AP2A2: variants seen among roughly 807,000 people sequenced by gnomAD.
AP2A2 encodes the protein adaptor related protein complex 2 subunit alpha 2, also known as AP-2 complex subunit alpha-2.
A neutral mutation model predicts 104.2 loss-of-function variants in AP2A2; 32 were observed. The ratio of observed to expected loss-of-function variants is 0.31; its 90% confidence interval spans 0.23 to 0.41. AP2A2 has a LOEUF of 0.41. Ranked by LOEUF, AP2A2 falls within the 10% of genes least tolerant of loss-of-function variation. The pLI, the probability that AP2A2 is intolerant of heterozygous loss-of-function variation, is 1.00. For synonymous variants in AP2A2, 539 were observed against 533.3 expected (o/e 1.01, Z -0.15); for missense variants, 912 against 1,261.0 (o/e 0.72, Z 4.19).
Position 970,305 on chromosome 11 carries a change from G to A in AP2A2, c.273G>A (p.Lys91=). 6.2e-7 allele frequency: 1 copy of A among 1,613,588 alleles called. No individual in the cohort carries two copies. Among genetic ancestry groups the A allele is most frequent in the Non-Finnish European group, 8.5e-7 (1 of 1,179,636 alleles). ...TGAGTTCAAACAGATACACGGAAAA[G>A]CAGATCGTGAGTATCGCTGCAGGTG... ...NLLSSNRYTE[K]QIGYLFISVL... Residue 91 remains lysine (K), a synonymous_variant, in exon 3 of 22, where the codon AAG becomes AAA. Coordinates refer to ENST00000448903, the MANE Select transcript of AP2A2 (RefSeq NM_012305.4).
chr11:978,871 G>A (rs1343280618), intron 5 of AP2A2, among the ~76,000 whole-genome samples: 2 of 152,180 alleles, frequency 1.3e-5, no homozygotes, highest in South Asian at 2.1e-4. Flanking sequence ...GAAGGTCGGC[G>A]GTCAGGCCTG....
At chr11:1,005,910 TC>T (rs1362807126) in intron 16 of AP2A2, among the ~76,000 whole-genome samples, 1 of 152,228 alleles carries the variant, frequency 6.6e-6, no homozygotes, top group African/African-American at 2.4e-5. Flanking sequence ...CTTTCTGAAT[TC>T]AAGGGGTATA....
At chr11:998,190 T>A (rs1855916450) in intron 14 of AP2A2, among the ~76,000 whole-genome samples, 1 of 152,178 alleles carries the variant, frequency 6.6e-6, no homozygotes, top group South Asian at 2.1e-4. Flanking sequence ...CTCTGCCAGC[T>A]CCTCTGTGAC....
chr11:938,289 A>G (rs772728389), intron 1 of AP2A2, among the ~76,000 whole-genome samples: 1 of 152,122 alleles, frequency 6.6e-6, no homozygotes, highest in Non-Finnish European at 1.5e-5. Context: ...CCAAACCCCT[A>G]TACGATACTG....
At chr11:983,438 A>G (rs1441282961) in intron 6 of AP2A2, among the ~76,000 whole-genome samples, 1 of 151,328 alleles carries the variant, frequency 6.6e-6, no homozygotes, top group Non-Finnish European at 1.5e-5. Context: ...GCTGGAGTGC[A>G]GTGGCACGAT....
intron 18 of AP2A2, chr11:1,008,793 T>A (rs1339725293): frequency 2.3e-6 from 1 of 434,936 alleles, no homozygotes; most frequent in African/African-American, 2.0e-5. Context: ...CAAATGCCTT[T>A]GCCTTTTTAA....
At position 1,009,348 on chromosome 11, in the gene AP2A2, A is replaced by G. The variant is rs371017900; in HGVS notation, c.2558A>G (p.Asn853Ser). 2 of 1,613,666 alleles carry G rather than the reference A, an allele frequency of 1.2e-6. No individual in the cohort carries two copies. The highest frequency in any genetic ancestry group is 2.7e-5 in the African/African-American group (2 of 74,926). ...QLSNPQQEVQ[N>S]IFKAKHPMDT... Reference sequence around the variant, plus strand: ...CACAGTCCACAGCAGGAAGTGCAGAACATCTTCAAAGCAAAGCACCCAATG... The same window carrying G: ...CACAGTCCACAGCAGGAAGTGCAGAGCATCTTCAAAGCAAAGCACCCAATG... Residue 853 changes from asparagine to serine, a missense_variant, in exon 20 of 22, where the codon AAC becomes AGC. Asn to Ser is a conservative substitution (Grantham distance 46). Transcript: ENST00000448903.
rs920064137 is a variant in AP2A2 at position 968,811 on chromosome 11, G to T, written c.137-1358G>T. Among the ~76,000 whole-genome samples, 3 of 152,124 alleles carry T rather than the reference G, an allele frequency of 2.0e-5. No homozygotes were observed. Among genetic ancestry groups the T allele is most frequent in the Admixed American group, 2.0e-4 (3 of 15,268 alleles). ...GGCCGGGGGAGGGAGGAACCAGGTC[G>T]GGTCTGCTTTTATTTATATCATCTG... On this transcript the variant is annotated intron_variant, in intron 2 of 21. Coordinates refer to ENST00000448903, the MANE Select transcript of AP2A2 (RefSeq NM_012305.4). This position sits in a 1 kb window ranked among gnomAD's most constrained non-coding sequence, Gnocchi z 4.2.
At chr11:929,975 G>C (rs1385629912) in intron 1 of AP2A2, among the ~76,000 whole-genome samples, 1 of 151,960 alleles carries the variant, frequency 6.6e-6, no homozygotes, top group Non-Finnish European at 1.5e-5. Context: ...ACAAACATTA[G>C]CTGGGCGTGG....
At chr11:986,515 A>G (rs572714137) in intron 8 of AP2A2, among the ~76,000 whole-genome samples, 16 of 152,314 alleles carry the variant, frequency 1.1e-4, no homozygotes, top group Non-Finnish European at 2.1e-4. Flanking sequence ...ATTGAGGCTC[A>G]GGAGGTGCTG....
At chr11:940,873 C>G in intron 1 of AP2A2, 1 of 456,218 alleles carries the variant, frequency 2.2e-6, no homozygotes, top group Non-Finnish European at 4.4e-6. Context: ...CCAGAGGACT[C>G]TCGACTCTCT....
chr11:992,998 C>T lies in AP2A2; in HGVS notation c.1453-286C>T, dbSNP rs139164549. 5.3e-5 allele frequency among the ~76,000 whole-genome samples: 8 copies of T among 152,322 alleles called. No individual in the cohort carries two copies. Among genetic ancestry groups the T allele is most frequent in the East Asian group, 1.9e-4 (1 of 5,182 alleles). On this transcript the variant is annotated intron_variant, in intron 11 of 21. Transcript: ENST00000448903. This position sits in a 1 kb window ranked among gnomAD's most constrained non-coding sequence, Gnocchi z 6.4. ...TGTCCGTCGGAGAGGGTTAGGCCAC[C>T]GGCAAGGGGTGTGCCATGAGGACGC...
At chr11:934,924 T>C (rs11246345) in intron 1 of AP2A2, among the ~76,000 whole-genome samples, 72,529 of 151,464 alleles carry the variant, frequency 0.48, 18,323 homozygotes, top group Middle Eastern at 0.65. Flanking sequence ...AGTGGCGCAA[T>C]CTTGGTTAAC....
intron 1 of AP2A2, among the ~76,000 whole-genome samples, chr11:929,533 G>A (rs529501337): frequency 2.6e-5 from 4 of 152,326 alleles, no homozygotes; most frequent in Non-Finnish European, 4.4e-5. Context: ...CTGAAATATC[G>A]TTAAAGCCTG....
chr11:990,294 G>A (rs1855602076), intron 10 of AP2A2, among the ~76,000 whole-genome samples: 1 of 152,186 alleles, frequency 6.6e-6, no homozygotes, highest in Non-Finnish European at 1.5e-5. Context: ...GTGTAGGGCA[G>A]GGCTGTCTGT....
intron 1 of AP2A2, among the ~76,000 whole-genome samples, chr11:940,150 C>T (rs564325779): frequency 1.8e-4 from 28 of 151,906 alleles, no homozygotes; most frequent in Admixed American, 9.9e-4. Context: ...GACGGGGTTT[C>T]GCCATGTTGG....
rs1318283210 is a variant in AP2A2, at chr11:943,152, C to T, written c.68-16285C>T. On this transcript the variant is annotated intron_variant, in intron 1 of 21. Coordinates refer to ENST00000448903, the MANE Select transcript of AP2A2 (RefSeq NM_012305.4). ...AGGACAAGCCACAGACAAAACCCCT[C>T]AGACACCGAGTTAAAGAAGGGCTTT... is the stretch of plus-strand genomic sequence containing the variant. 3 of 152,322 alleles carry T rather than the reference C, an allele frequency of 2.0e-5. No homozygotes were observed. The East Asian group carries it at 5.8e-4, about 29-fold the overall frequency. 9.4% of individuals were successfully genotyped at this position (152,322 alleles called of 1,614,324 possible).
chr11:998,635 C>G (rs1033880165), intron 14 of AP2A2, among the ~76,000 whole-genome samples: 1 of 152,110 alleles, frequency 6.6e-6, no homozygotes, highest in Non-Finnish European at 1.5e-5. Flanking sequence ...ATGCCAATAT[C>G]CTTGTGATAG....
At chr11:1,007,534 G>C in intron 17 of AP2A2, 1 of 184,506 alleles carries the variant, frequency 5.4e-6, no homozygotes, top group South Asian at 9.4e-5. Context: ...CAGCTTTGCT[G>C]CTGTCACTGT....
Sources: gnomAD v4.1 joint callset for allele counts (sites outside exome capture counted in the v4.1 genomes callset) on GRCh38, gnomAD v4.1.1 for gene constraint, Gnocchi (gnomAD v3.1) non-coding constraint, MANE v1.5 for transcripts, NCBI Gene and HGNC (gene_info 2026-07-23, HGNC 2026-07-21) for gene names.